Variants in TMEM52B observed in about 807,000 individuals in gnomAD.
TMEM52B encodes transmembrane protein 52B.
A neutral mutation model predicts 16.1 loss-of-function variants in TMEM52B; 11 were observed. The observed-to-expected ratio is 0.68, with a 90% CI of 0.43 to 1.13. The LOEUF (loss-of-function observed/expected upper bound fraction) is 1.13, where lower values mean the gene tolerates loss of function less well. Among genes scored for constraint, TMEM52B ranks in the 50% most tolerant of loss-of-function variants. The pLI is 0.00. For missense variants in TMEM52B, 243 were observed against 230.4 expected (o/e 1.05, Z -0.35); for synonymous variants, 101 against 93.8 (o/e 1.08, Z -0.45).
chr12:10,186,818 T>C (rs761028376), intron 4 of TMEM52B, among the ~76,000 whole-genome samples: 15 of 152,220 alleles, frequency 9.9e-5, no homozygotes, highest in African/African-American at 1.7e-4. Context: ...TTGGAGGCTA[T>C]TGGAAATATT....
upstream of TMEM52B, among the ~76,000 whole-genome samples, chr12:10,177,791 T>G (rs960010646): frequency 1.1e-5 from 1 of 93,312 alleles, no homozygotes; most frequent in African/African-American, 3.8e-5. Context: ...ATAATAATAA[T>G]AATAATAATA....
intron 2 of TMEM52B, among the ~76,000 whole-genome samples, chr12:10,183,054 T>C (rs1591990218): frequency 6.6e-6 from 1 of 152,360 alleles, no homozygotes; most frequent in Non-Finnish European, 1.5e-5. Context: ...CACTTTGATG[T>C]AGTTATCAAC....
At chr12:10,179,774 T>G (rs1948801503) in intron 1 of TMEM52B, 146 bp downstream of exon 1, 1 of 868,764 alleles carries the variant, frequency 1.2e-6, no homozygotes, top group Non-Finnish European at 1.8e-6. Flanking sequence ...CTACAAAGTT[T>G]CCTTAGTATT....
intron 4 of TMEM52B, among the ~76,000 whole-genome samples, chr12:10,188,014 G>A (rs1948901218): frequency 6.6e-6 from 1 of 152,098 alleles, no homozygotes; most frequent in South Asian, 2.1e-4. Flanking sequence ...CGTGACACTC[G>A]CTTGAACCCG....
chr12:10,171,976 T>C (rs973122130), intron 1 of TMEM52B: 2 of 1,554,600 alleles, frequency 1.3e-6, no homozygotes, highest in African/African-American at 2.7e-5. Context: ...ATTCTTTCCC[T>C]GTACACATTT....
At chr12:10,189,855 T>C in intron 4 of TMEM52B, 41 bp from the exon 5 acceptor site, 4 of 1,605,352 alleles carry the variant, frequency 2.5e-6, no homozygotes, top group Non-Finnish European at 3.4e-6. Context: ...GGGTGTCCTG[T>C]TTCCCTTAGT....
rs965240581 is a variant in TMEM52B at position 10,189,749 on chromosome 12, A to G, written c.308-147A>G. ...CTGGGTTGTAAACATGCTTCAAAGG[A>G]TATTCATAAAATTTGGGGCAAGGAG... On this transcript the variant is annotated intron_variant, in intron 4 of 4. Transcript: ENST00000543484. The G allele has an allele frequency of 1.0e-5, 11 of 1,068,208 alleles. No individual in the cohort carries two copies. The African/African-American group carries it at 1.8e-4, about 17-fold the overall frequency. 66.2% of individuals were successfully genotyped at this position (1,068,208 alleles called of 1,614,324 possible).
chr12:10,190,055 C>G lies in TMEM52B; in HGVS notation c.467C>G (p.Ala156Gly), dbSNP rs1319831413. The G allele has an allele frequency of 6.2e-7, 1 of 1,614,024 alleles. No homozygotes were observed. The highest frequency in any genetic ancestry group is 8.5e-7 in the Non-Finnish European group (1 of 1,180,040). Reference sequence around the variant, plus strand: ...ACAGTAGCCATGTGCGGGCAGAAAGCACCTGATCTACCCCCAGTACCTGAA... The same window carrying G: ...ACAGTAGCCATGTGCGGGCAGAAAGGACCTGATCTACCCCCAGTACCTGAA... ...RFTVAMCGQK[A>G]PDLPPVPEEK... Residue 156 changes from alanine to glycine, a missense_variant, in exon 5 of 5, where the codon GCA (alanine) becomes GGA (glycine). Transcript: ENST00000543484.
intron 4 of TMEM52B, among the ~76,000 whole-genome samples, chr12:10,188,523 AGG>A (rs1298824894): frequency 3.1e-4 from 30 of 97,712 alleles, no homozygotes; most frequent in Admixed American, 5.7e-4. Flanking sequence ...GAAGGAAGGA[AGG>A]AAGGAAGGAA....
At chr12:10,170,982 G>A (rs938646136) in intron 1 of TMEM52B, 9 of 152,008 alleles carry the variant, frequency 5.9e-5, no homozygotes, top group Non-Finnish European at 1.2e-4. Context: ...AGTAGGTACC[G>A]ATCTAACCAA....
At chr12:10,188,738 G>A (rs1948915474) in intron 4 of TMEM52B, among the ~76,000 whole-genome samples, 1 of 151,700 alleles carries the variant, frequency 6.6e-6, no homozygotes, top group South Asian at 2.1e-4. Context: ...ACTTTTGTTG[G>A]CCAGGCACGG....
chr12:10,172,302 G>C (rs1015157284), intron 1 of TMEM52B: 1 of 452,348 alleles, frequency 2.2e-6, no homozygotes, highest in Non-Finnish European at 4.0e-6. Context: ...TGATTCTGAA[G>C]GTGTTTCAGG....
chr12:10,172,632 T>A (rs1269794047), intron 1 of TMEM52B, among the ~76,000 whole-genome samples: 2 of 152,180 alleles, frequency 1.3e-5, no homozygotes, highest in African/African-American at 4.8e-5. Flanking sequence ...CGATGGTGTG[T>A]CCTGGGTGAT....
intron 1 of TMEM52B, among the ~76,000 whole-genome samples, chr12:10,180,278 T>TG (rs200107128): frequency 0.031 from 4,460 of 145,098 alleles, 177 homozygotes; most frequent in African/African-American, 0.091. Context: ...ATGGTTTGTT[T>TG]TTTTTTTTTT....
chr12:10,189,803 ATGAAGCGACAGTTAAGTG>A, intron 4 of TMEM52B, 75 bp from the exon 5 acceptor site: 5 of 1,520,192 alleles, frequency 3.3e-6, no homozygotes, highest in Non-Finnish European at 4.4e-6. Flanking sequence ...CTTGTAAAAA[ATGAAGCGACAGTTAAGTG>A]TGAAGTAAGT....
chr12:10,183,627 G>A (rs1948848051), intron 2 of TMEM52B, among the ~76,000 whole-genome samples: 1 of 151,908 alleles, frequency 6.6e-6, no homozygotes, highest in East Asian at 1.9e-4. Flanking sequence ...TCCAATTCCT[G>A]AACTTATCTT....
intron 1 of TMEM52B, 150 bp from the exon 2 acceptor site, chr12:10,182,400 G>A (rs1948834891): frequency 7.8e-7 from 1 of 1,283,572 alleles, no homozygotes; most frequent in South Asian, 2.1e-5. Context: ...TGGGAGAGAT[G>A]AAAATGGCAG....
chr12:10,190,197 T>A lies in TMEM52B; in HGVS notation c.*57T>A. 1 of 1,601,560 alleles carries A rather than the reference T, an allele frequency of 6.2e-7. No homozygotes were observed. Among genetic ancestry groups the A allele is most frequent in the Middle Eastern group, 1.7e-4 (1 of 5,984 alleles). On this transcript the variant is annotated 3_prime_UTR_variant, in exon 5 of 5. Transcript: ENST00000543484. ...GTGATGTCCAGAGTCTGTGGGAAAA[T>A]GGAACACATACTTTTCTAACCCTCA...
chr12:10,191,622 G>T lies in TMEM52B; in HGVS notation c.*1482G>T, dbSNP rs556946097. Reference sequence around the variant, plus strand: ...AAGCTAAATATATGTGGCATGATTTGTAAAGTGTTATGCATATGTATGTTA... The same window carrying T: ...AAGCTAAATATATGTGGCATGATTTTTAAAGTGTTATGCATATGTATGTTA... On this transcript the variant is annotated 3_prime_UTR_variant, in exon 5 of 5. Coordinates refer to ENST00000543484, the MANE Select transcript of TMEM52B (RefSeq NM_001384896.1). The T allele has an allele frequency of 6.6e-6, 1 of 152,312 alleles. No individual in the cohort carries two copies. Among genetic ancestry groups the T allele is most frequent in the South Asian group, 2.1e-4 (1 of 4,824 alleles). The allele number at this position is 152,312 out of a possible 1,614,324, so 9.4% of individuals were successfully genotyped here.
Sources: gnomAD v4.1 joint callset for allele counts (sites outside exome capture counted in the v4.1 genomes callset) on GRCh38, gnomAD v4.1.1 for gene constraint, MANE v1.5 for transcripts, NCBI Gene and HGNC (gene_info 2026-07-23, HGNC 2026-07-21) for gene names.